The following CC2D2A variants were observed in gnomAD, a reference collection of about 807,000 sequenced individuals.
CC2D2A encodes the protein coiled-coil and C2 domain containing 2A, also known as coiled-coil and C2 domain-containing protein 2A.
CC2D2A carries 155 observed loss-of-function variants against 212.9 expected under a neutral mutation model. The ratio of observed to expected loss-of-function variants is 0.73; its 90% confidence interval spans 0.64 to 0.83. The LOEUF (loss-of-function observed/expected upper bound fraction) is 0.83. Ranked by LOEUF, CC2D2A falls within the 40% of genes least tolerant of loss-of-function variation. The pLI is 0.00. For missense variants in CC2D2A, 1,856 were observed against 1,956.2 expected, an observed-to-expected ratio of 0.95 and a Z score of 0.97; for synonymous variants, 667 against 686.5, an observed-to-expected ratio of 0.97 and a Z score of 0.44.
At chr4:15,560,220 C>T (rs1719504938) in intron 22 of CC2D2A, among the ~76,000 whole-genome samples, 2 of 152,206 alleles carry the variant, frequency 1.3e-5, no homozygotes, top group South Asian at 4.2e-4. Context: ...TTGAGACTGG[C>T]CCTATTTTTT....
In CC2D2A at chr4:15,537,004, G is replaced by A. The variant is rs377375002; in HGVS notation, c.1692G>A (p.Thr564=). 8.1e-6 allele frequency: 13 copies of A among 1,613,714 alleles called. No homozygotes were observed. Among genetic ancestry groups the A allele is most frequent in the South Asian group, 4.4e-5 (4 of 91,046 alleles). ...AEISELLEEH[T]EEYAQKMEEY... ...TAAGTGAACTGTTAGAAGAGCACAC[G>A]GAGGAGTACGCACAGAAGATGGAAG... Residue 564 remains threonine, a synonymous_variant, in exon 15 of 37, where the codon ACG becomes ACA. Coordinates refer to ENST00000424120, the MANE Select transcript of CC2D2A (RefSeq NM_001378615.1).
intron 29 of CC2D2A, among the ~76,000 whole-genome samples, chr4:15,579,207 T>C (rs1460473244): frequency 6.6e-6 from 1 of 152,062 alleles, no homozygotes; most frequent in Non-Finnish European, 1.5e-5. Context: ...CTCACGCCTG[T>C]AATCCCATTG....
chr4:15,553,132 TC>T, intron 18 of CC2D2A, 25 bp from the exon 19 acceptor site: 1 of 1,565,326 alleles, frequency 6.4e-7, no homozygotes, highest in Non-Finnish European at 8.6e-7. Context: ...CTAAACAGCA[TC>T]CTGTTTAATC....
At chr4:15,566,575 T>C (rs1719889760) in intron 24 of CC2D2A, among the ~76,000 whole-genome samples, 1 of 152,120 alleles carries the variant, frequency 6.6e-6, no homozygotes, top group South Asian at 2.1e-4. Flanking sequence ...TCTAGGTGAC[T>C]CTGTGGGGAC....
chr4:15,503,032 TATTA>T, intron 6 of CC2D2A, 109 bp downstream of exon 6: 1 of 721,946 alleles, frequency 1.4e-6, no homozygotes, highest in Non-Finnish European at 2.2e-6. Flanking sequence ...ATTAAATGCT[TATTA>T]ATAATTATAA....
intron 11 of CC2D2A, among the ~76,000 whole-genome samples, chr4:15,526,393 C>G (rs1221175992): frequency 2.0e-5 from 3 of 152,150 alleles, no homozygotes; most frequent in African/African-American, 7.2e-5. Flanking sequence ...TAGAGCCAGG[C>G]CTAGAATCCA....
At chr4:15,571,184 TGAA>T (rs1720147576) in intron 28 of CC2D2A, among the ~76,000 whole-genome samples, 1 of 152,166 alleles carries the variant, frequency 6.6e-6, no homozygotes, top group Non-Finnish European at 1.5e-5. Context: ...GAAAGTAACT[TGAA>T]GAAAACAATC....
chr4:15,591,582 G>GA, intron 33 of CC2D2A, among the ~76,000 whole-genome samples: 1 of 152,248 alleles, frequency 6.6e-6, no homozygotes, highest in East Asian at 1.9e-4. Context: ...CAAGCACGCA[G>GA]CAAAATATCT....
rs146065951 is a variant in CC2D2A at position 15,478,938 on chromosome 4, G to T, written c.123+132G>T. On this transcript the variant is annotated intron_variant, in intron 3 of 36. Coordinates refer to ENST00000424120, the MANE Select transcript of CC2D2A (RefSeq NM_001378615.1). Reference sequence around the variant, plus strand: ...ACCAACTTTTGGCCTGCTCTGGGGGGCTGTGAGGCGGGGATGCAGATGGGT... The same window carrying T: ...ACCAACTTTTGGCCTGCTCTGGGGGTCTGTGAGGCGGGGATGCAGATGGGT... 1,045 of 754,354 alleles carry T rather than the reference G, an allele frequency of 1.4e-3. 10 individuals are homozygous for T. In the African/African-American group the frequency reaches 0.017, roughly 12 times the overall value. The allele number at this position is 754,354 out of a possible 1,614,324, so 46.7% of individuals were successfully genotyped here. A position where few individuals can be genotyped will look rare whatever the true frequency, so the allele number is the denominator to read the frequency against.
At chr4:15,510,055 G>C in intron 6 of CC2D2A, 84 bp from the exon 7 acceptor site, 1 of 990,074 alleles carries the variant, frequency 1.0e-6, no homozygotes, top group East Asian at 2.5e-5. Flanking sequence ...AAGCCTTTGG[G>C]ATGGGGGGGT....
chr4:15,515,081 C>G lies in CC2D2A; in HGVS notation c.880+212C>G, dbSNP rs573783765. On this transcript the variant is annotated intron_variant, in intron 9 of 36. Coordinates refer to ENST00000424120, the MANE Select transcript of CC2D2A (RefSeq NM_001378615.1). ...ATTGATAGACTAATGGAAGATATACCAGAGTACTGTGGGAACCCTTTATCA... is the reference window on the plus strand; with the variant it reads ...ATTGATAGACTAATGGAAGATATACGAGAGTACTGTGGGAACCCTTTATCA... 2.6e-5 allele frequency among the ~76,000 whole-genome samples: 4 copies of G among 152,282 alleles called. No individual in the cohort carries two copies. The South Asian group carries it at 8.3e-4, about 32-fold the overall frequency.
intron 30 of CC2D2A, among the ~76,000 whole-genome samples, chr4:15,582,129 C>T (rs1375440675): frequency 6.6e-6 from 1 of 151,902 alleles, no homozygotes; most frequent in African/African-American, 2.4e-5. Context: ...AATTGACAGG[C>T]AGATTTTTTA....
chr4:15,600,903 CAAAAAAAA>C (rs5856308), intron 36 of CC2D2A, among the ~76,000 whole-genome samples: 1 of 93,016 alleles, frequency 1.1e-5, no homozygotes, highest in Admixed American at 1.1e-4. Context: ...AGACCTGTCT[CAAAAAAAA>C]AAAAAAAAAA....
chr4:15,481,700 C>A, intron 4 of CC2D2A: 13 of 820,530 alleles, frequency 1.6e-5, no homozygotes, highest in Non-Finnish European at 1.8e-5. Flanking sequence ...AAATAAACCT[C>A]TTTTCTTTAT....
intron 4 of CC2D2A, among the ~76,000 whole-genome samples, chr4:15,483,908 T>C (rs1714845857): frequency 1.3e-5 from 2 of 152,194 alleles, no homozygotes; most frequent in Admixed American, 6.6e-5. Context: ...ACCATGGGCG[T>C]TGGCTTAGAC....
chr4:15,487,038 T>C (rs1430132892), intron 4 of CC2D2A, among the ~76,000 whole-genome samples: 1 of 152,240 alleles, frequency 6.6e-6, no homozygotes, highest in East Asian at 1.9e-4. Context: ...TTTTTGAATT[T>C]TTTGAGACTT....
At position 15,530,083 on chromosome 4, in the gene CC2D2A, C is replaced by T. The variant is rs370112637; in HGVS notation, c.1466+1357C>T. On this transcript the variant is annotated intron_variant, in intron 13 of 36. Transcript: ENST00000424120. ...GCCTCCCGGGTTCACGCCATTCTCCCGCCTCAGCCTCCCGAGTAGCTGGGA... is the reference window on the plus strand; with the variant it reads ...GCCTCCCGGGTTCACGCCATTCTCCTGCCTCAGCCTCCCGAGTAGCTGGGA... Among the ~76,000 whole-genome samples, 288 of 151,558 alleles carry T rather than the reference C, an allele frequency of 1.9e-3. 1 individual carries two copies. The highest frequency in any genetic ancestry group is 6.1e-3 in the African/African-American group (254 of 41,404).
At chr4:15,572,306 C>G (rs762454796) in intron 28 of CC2D2A, among the ~76,000 whole-genome samples, 22 of 152,146 alleles carry the variant, frequency 1.4e-4, no homozygotes, top group Non-Finnish European at 2.9e-4. Context: ...AGGTGGGATT[C>G]AACTTGTACT....
chr4:15,591,826 A>T (rs1472619813), intron 33 of CC2D2A, among the ~76,000 whole-genome samples: 1 of 152,212 alleles, frequency 6.6e-6, no homozygotes, highest in African/African-American at 2.4e-5. Context: ...TGTCAAAATT[A>T]TTACCAGCTC....
Sources: allele counts gnomAD v4.1 joint callset (sites outside exome capture counted in the v4.1 genomes callset), GRCh38; gene constraint gnomAD v4.1.1; transcripts MANE v1.5; gene names NCBI Gene and HGNC (gene_info 2026-07-23, HGNC 2026-07-21).